ATG7: variants seen among roughly 807,000 people sequenced by gnomAD.
ATG7 encodes autophagy related 7.
ATG7 carries 70 observed loss-of-function variants against 82.4 expected under a neutral mutation model. The observed-to-expected ratio is 0.85, with a 90% CI of 0.70 to 1.04. The LOEUF (loss-of-function observed/expected upper bound fraction) is 1.04. Ranked by LOEUF, ATG7 falls within the 50% of genes least tolerant of loss-of-function variation. The pLI is 0.00. For synonymous variants in ATG7, 287 were observed against 313.0 expected, an observed-to-expected ratio of 0.92 and a Z score of 0.88; for missense variants, 792 against 864.3, an observed-to-expected ratio of 0.92 and a Z score of 1.05.
intron 20 of ATG7, among the ~76,000 whole-genome samples, chr3:11,531,780 CCTG>C (rs1386734770): frequency 6.6e-6 from 1 of 150,776 alleles, no homozygotes; most frequent in Non-Finnish European, 1.5e-5. Context: ...GGGAGGATCA[CCTG>C]AGCCCAGGAG....
At chr3:11,494,030 C>G (rs1162895623) in intron 20 of ATG7, among the ~76,000 whole-genome samples, 2 of 152,172 alleles carry the variant, frequency 1.3e-5, no homozygotes, top group Admixed American at 1.3e-4. Context: ...TCCTCAAATG[C>G]AAGAAGGTGT....
Position 11,284,733 on chromosome 3 carries a change from T to C in ATG7, c.-11+2295T>C, listed in dbSNP as rs557358125. Among the ~76,000 whole-genome samples the C allele has an allele frequency of 2.4e-4, 36 of 152,152 alleles. 1 individual carries two copies. The highest frequency in any genetic ancestry group is 8.2e-4 in the African/African-American group (34 of 41,528). Reference sequence around the variant, plus strand: ...CTCCATAATAATTTTTTAAAATTATTTGTGGAGATGATATCTTACTATGTT... The same window carrying C: ...CTCCATAATAATTTTTTAAAATTATCTGTGGAGATGATATCTTACTATGTT... On this transcript the variant is annotated intron_variant, in intron 3 of 20. Coordinates refer to ENST00000693202, the MANE Select transcript of ATG7 (RefSeq NM_001349232.2).
rs145745233 is a variant in ATG7 at position 11,456,632 on chromosome 3, C to G, written c.2079+29706C>G. Among the ~76,000 whole-genome samples, 1,286 of 152,228 alleles carry G rather than the reference C, an allele frequency of 8.4e-3. 12 individuals are homozygous for G. Among genetic ancestry groups the G allele is most frequent in the Non-Finnish European group, 0.01 (704 of 68,012 alleles). ...CCTTGCCTCCCCTAGGAAATATAAACCCTTGAGAGCTGAAAAGAAGCCTTA... is the reference window on the plus strand; with the variant it reads ...CCTTGCCTCCCCTAGGAAATATAAAGCCTTGAGAGCTGAAAAGAAGCCTTA... On this transcript the variant is annotated intron_variant, in intron 20 of 20. Transcript: ENST00000693202.
At chr3:11,472,118 A>G (rs960248905) in intron 20 of ATG7, among the ~76,000 whole-genome samples, 4 of 152,218 alleles carry the variant, frequency 2.6e-5, no homozygotes, top group Non-Finnish European at 5.9e-5. Context: ...ACTCTCACAC[A>G]GATTTAAGCA....
chr3:11,502,226 T>C (rs868730218), intron 20 of ATG7, among the ~76,000 whole-genome samples: 1 of 151,848 alleles, frequency 6.6e-6, no homozygotes, highest in Non-Finnish European at 1.5e-5. Flanking sequence ...TTTAATTTAT[T>C]TTTTATTATT....
chr3:11,422,819 A>G (rs2152935287), intron 19 of ATG7, among the ~76,000 whole-genome samples: 1 of 129,634 alleles, frequency 7.7e-6, no homozygotes, highest in African/African-American at 3.0e-5. Context: ...GTGTGGCGCA[A>G]TCTCAGCTCA....
intron 20 of ATG7, among the ~76,000 whole-genome samples, chr3:11,468,896 G>A (rs746209034): frequency 4.6e-5 from 7 of 152,212 alleles, no homozygotes; most frequent in Non-Finnish European, 8.8e-5. Context: ...TGTAATGTTT[G>A]TAGACTGCAC....
At chr3:11,322,168 A>G (rs1329314459) in intron 9 of ATG7, among the ~76,000 whole-genome samples, 1 of 152,240 alleles carries the variant, frequency 6.6e-6, no homozygotes. Context: ...ATTTATAGTT[A>G]AAAATACCTG....
chr3:11,279,610 G>C (rs779091749), intron 1 of ATG7, among the ~76,000 whole-genome samples: 22 of 152,230 alleles, frequency 1.4e-4, no homozygotes, highest in Admixed American at 4.6e-4. Context: ...CTTGAACCCG[G>C]GAGGCAGAGG....
intron 19 of ATG7, among the ~76,000 whole-genome samples, chr3:11,403,344 T>TTC (rs1192860702): frequency 1.3e-5 from 2 of 152,022 alleles, no homozygotes; most frequent in Non-Finnish European, 2.9e-5. Context: ...TCTTTTTTTT[T>TTC]TTTAATCTCT....
At chr3:11,352,329 T>C (rs1289939928) in intron 14 of ATG7, among the ~76,000 whole-genome samples, 1 of 152,248 alleles carries the variant, frequency 6.6e-6, no homozygotes, top group African/African-American at 2.4e-5. Flanking sequence ...CATGTGTCTT[T>C]ATAGCAGCAT....
intron 20 of ATG7, among the ~76,000 whole-genome samples, chr3:11,483,385 T>G (rs2089239181): frequency 6.6e-6 from 1 of 152,190 alleles, no homozygotes; most frequent in Non-Finnish European, 1.5e-5. Context: ...AGATATCCAC[T>G]GAGCTCCCAA....
At chr3:11,441,146 C>T (rs1274800941) in intron 20 of ATG7, among the ~76,000 whole-genome samples, 1 of 152,160 alleles carries the variant, frequency 6.6e-6, no homozygotes, top group African/African-American at 2.4e-5. Flanking sequence ...AGCTTTCAAG[C>T]ATCTGTGTTT....
intron 19 of ATG7, among the ~76,000 whole-genome samples, chr3:11,389,902 T>A (rs1366766553): frequency 1.3e-5 from 2 of 152,368 alleles, no homozygotes; most frequent in East Asian, 3.9e-4. Context: ...TAGAAATCCA[T>A]GCAAAAGCAT....
intron 19 of ATG7, among the ~76,000 whole-genome samples, chr3:11,413,642 T>A (rs1199324659): frequency 2.0e-5 from 3 of 152,240 alleles, no homozygotes; most frequent in Admixed American, 6.5e-5. Context: ...CAGTTTACTG[T>A]TATTTCATTG....
At chr3:11,531,614 T>C (rs1037400668) in intron 20 of ATG7, among the ~76,000 whole-genome samples, 1 of 152,200 alleles carries the variant, frequency 6.6e-6, no homozygotes, top group African/African-American at 2.4e-5. Context: ...GGCTCATGCC[T>C]ATAATCCAGC....
chr3:11,472,229 T>A (rs1422513853), intron 20 of ATG7, among the ~76,000 whole-genome samples: 1 of 152,204 alleles, frequency 6.6e-6, no homozygotes, highest in Non-Finnish European at 1.5e-5. Context: ...TAGCAAACTT[T>A]CCATCTCCCC....
rs2082407318 is a variant in ATG7 at position 11,426,885 on chromosome 3, A to C, written c.2038A>C (p.Thr680Pro). 6.2e-7 allele frequency: 1 copy of C among 1,611,268 alleles called. No homozygotes were observed. The change falls in exon 20 of 21, where the codon ACT becomes CCT. Residue 680 changes from threonine to proline, a missense_variant. By Grantham distance (38) the Thr-to-Pro change is conservative. Transcript: ENST00000693202. ...NSSHSFLEDL[T>P]GLTLLHQETQ... ...TTCACATTCCTTCTTAGAAGACTTG[A>C]CTGGTCTTACATTGCTGCATCAAGA... is the stretch of plus-strand genomic sequence containing the variant.
chr3:11,565,780 C>T, the ATG7 span, among the ~76,000 whole-genome samples: 1 of 152,206 alleles, frequency 6.6e-6, no homozygotes, highest in Non-Finnish European at 1.5e-5. This position sits in a 1 kb window ranked among gnomAD's most constrained non-coding sequence, Gnocchi z 4.1. Flanking sequence ...CCACCTCCAT[C>T]TGATGTGTTA....
Sources: allele counts gnomAD v4.1 joint callset (sites outside exome capture counted in the v4.1 genomes callset), GRCh38; gene constraint gnomAD v4.1.1; non-coding constraint Gnocchi (gnomAD v3.1); transcripts MANE v1.5; gene names NCBI Gene and HGNC (gene_info 2026-07-23, HGNC 2026-07-21).